TBCK: variants seen among roughly 807,000 people sequenced by gnomAD.
The protein encoded by TBCK is TBC domain-containing protein kinase-like protein.
In TBCK, 99 loss-of-function variants were observed where a neutral mutation model predicts 113.4. That is an observed-to-expected ratio of 0.87 (90% confidence interval 0.74 to 1.03). The LOEUF (loss-of-function observed/expected upper bound fraction) is 1.03. TBCK is among the 50% of genes least tolerant of loss of function. The pLI is 0.00. For missense variants in TBCK, 1,045 were observed against 1,061.3 expected (o/e 0.98, Z 0.21); for synonymous variants, 369 against 370.8 (o/e 1.00, Z 0.05).
intron 19 of TBCK, among the ~76,000 whole-genome samples, chr4:106,214,424 G>A (rs994697251): frequency 2.0e-5 from 3 of 151,896 alleles, no homozygotes; most frequent in Non-Finnish European, 4.4e-5. Context: ...TCTGAGCTAC[G>A]GGAGGACATT....
At position 106,044,298 on chromosome 4, in the gene TBCK, T is replaced by C. The variant is rs1734025392; in HGVS notation, c.*2272A>G. On this transcript the variant is annotated 3_prime_UTR_variant, in exon 26 of 26. Coordinates refer to ENST00000394708, the MANE Select transcript of TBCK (RefSeq NM_001163435.3). ...TGAACTCAGGTAAGTCATCAAAGACTGAAGGAAGAAAATAGTAATTGCCAG... is the reference window on the plus strand; with the variant it reads ...TGAACTCAGGTAAGTCATCAAAGACCGAAGGAAGAAAATAGTAATTGCCAG... 1 of 152,150 alleles carries C rather than the reference T, an allele frequency of 6.6e-6. No individual in the cohort carries two copies. Among genetic ancestry groups the C allele is most frequent in the South Asian group, 2.1e-4 (1 of 4,830 alleles). 9.4% of individuals were successfully genotyped at this position (152,150 alleles called of 1,614,324 possible).
At chr4:106,130,589 T>TACAC (rs70941237) in intron 23 of TBCK, among the ~76,000 whole-genome samples, 37,534 of 142,200 alleles carry the variant, frequency 0.26, 4,943 homozygotes, top group Middle Eastern at 0.31. Flanking sequence ...TTGCGCTAAA[T>TACAC]ACACACACAC....
At chr4:106,073,674 G>A (rs1737797916) in intron 25 of TBCK, among the ~76,000 whole-genome samples, 1 of 152,202 alleles carries the variant, frequency 6.6e-6, no homozygotes, top group African/African-American at 2.4e-5. Context: ...GTTTAAGTCT[G>A]CAGAAGTTTC....
intron 18 of TBCK, 80 bp downstream of exon 18, chr4:106,231,649 A>G (rs1367051941): frequency 2.9e-6 from 4 of 1,385,510 alleles, no homozygotes; most frequent in African/African-American, 2.9e-5. Context: ...CCTTAAAACA[A>G]AAACAAAAAC....
At chr4:106,239,919 C>T (rs965660239) in intron 12 of TBCK, among the ~76,000 whole-genome samples, 1 of 151,610 alleles carries the variant, frequency 6.6e-6, no homozygotes, top group Admixed American at 6.6e-5. Context: ...TAGCATCGTG[C>T]AGTAAAAGAA....
At chr4:106,219,293 C>A (rs189888388) in intron 19 of TBCK, among the ~76,000 whole-genome samples, 1 of 150,714 alleles carries the variant, frequency 6.6e-6, no homozygotes, top group African/African-American at 2.5e-5. Flanking sequence ...GTGGGTGCAG[C>A]ACACCAGCAT....
At chr4:106,090,350 G>A (rs962977320) in intron 25 of TBCK, among the ~76,000 whole-genome samples, 1 of 152,132 alleles carries the variant, frequency 6.6e-6, no homozygotes, top group African/African-American at 2.4e-5. Context: ...TGGGGTCCTG[G>A]GCCTGACCAC....
chr4:106,174,596 T>A (rs1751412470), intron 22 of TBCK, among the ~76,000 whole-genome samples: 1 of 152,140 alleles, frequency 6.6e-6, no homozygotes, highest in African/African-American at 2.4e-5. Flanking sequence ...ATTTGGTGGA[T>A]CCCTGAGTAG....
chr4:106,261,165 A>T (rs1273296443), intron 4 of TBCK, among the ~76,000 whole-genome samples: 1 of 152,124 alleles, frequency 6.6e-6, no homozygotes, highest in Non-Finnish European at 1.5e-5. Context: ...TCTTCTCAAG[A>T]ACATTATTTC....
chr4:106,223,801 A>G (rs2149959165), intron 19 of TBCK, among the ~76,000 whole-genome samples: 1 of 152,258 alleles, frequency 6.6e-6, no homozygotes, highest in African/African-American at 2.4e-5. Context: ...TTTCTCCTCA[A>G]TAGCCTAAGA....
intron 25 of TBCK, among the ~76,000 whole-genome samples, chr4:106,046,969 G>C (rs931511018): frequency 6.6e-6 from 1 of 151,952 alleles, no homozygotes; most frequent in African/African-American, 2.4e-5. Flanking sequence ...AGTAGTAAAG[G>C]GTATACAATG....
chr4:106,279,662 A>G (rs76869000), intron 3 of TBCK, among the ~76,000 whole-genome samples: 20,732 of 152,038 alleles, frequency 0.14, 1,678 homozygotes, highest in South Asian at 0.25. Context: ...GAGTTCCAAT[A>G]AACAGGTGAG....
chr4:106,241,443 C>T (rs1049761773), intron 12 of TBCK, among the ~76,000 whole-genome samples: 3 of 151,792 alleles, frequency 2.0e-5, no homozygotes, highest in Non-Finnish European at 4.4e-5. Context: ...GTTCCTACTC[C>T]ATTTTGAGGA....
In TBCK at chr4:106,236,404, C is replaced by T. The variant is rs747743755; in HGVS notation, c.1336G>A (p.Asp446Asn). 14 of 1,515,020 alleles carry T rather than the reference C, an allele frequency of 9.2e-6. No individual in the cohort carries two copies. Among genetic ancestry groups the T allele is most frequent in the Middle Eastern group, 3.5e-4 (2 of 5,652 alleles). 93.8% of individuals were successfully genotyped at this position (1,515,020 alleles called of 1,614,324 possible). The change falls in exon 14 of 26, where the codon GAC (aspartate) becomes AAC (asparagine). Residue 446 changes from aspartate to asparagine, a missense_variant. Transcript: ENST00000394708. ...EYQLNRIILF[D>N]RLLKAYPYKK... The stretch of plus-strand genomic sequence containing the variant: ...AGAATCCATACCTTTAGCAGCCTGT[C>T]GAAGAGAATAATTCTATTTAGTTGG...
intron 3 of TBCK, among the ~76,000 whole-genome samples, chr4:106,280,163 T>G (rs1764443647): frequency 6.6e-6 from 1 of 152,180 alleles, no homozygotes; most frequent in Non-Finnish European, 1.5e-5. Context: ...GTAGTTTTGA[T>G]TTGCATTTCT....
intron 23 of TBCK, among the ~76,000 whole-genome samples, chr4:106,142,828 C>T (rs1747292738): frequency 6.6e-6 from 1 of 152,136 alleles, no homozygotes; most frequent in Non-Finnish European, 1.5e-5. Context: ...AAAAACATCA[C>T]TACAGGAGCT....
chr4:106,234,368 T>A (rs556419239), intron 15 of TBCK, among the ~76,000 whole-genome samples: 2 of 152,160 alleles, frequency 1.3e-5, no homozygotes, highest in African/African-American at 2.4e-5. Context: ...ATTTGTAGAC[T>A]CTTATCAAGG....
intron 3 of TBCK, among the ~76,000 whole-genome samples, chr4:106,263,250 T>A (rs891245232): frequency 6.6e-6 from 1 of 151,642 alleles, no homozygotes; most frequent in South Asian, 2.1e-4. Flanking sequence ...TTAAAACCAA[T>A]AGTAGAGATA....
At chr4:106,160,782 T>C (rs1749678929) in intron 23 of TBCK, among the ~76,000 whole-genome samples, 1 of 152,130 alleles carries the variant, frequency 6.6e-6, no homozygotes, top group Admixed American at 6.6e-5. Flanking sequence ...CAAAAGGAAC[T>C]GAAACCAGAA....
Sources: allele counts gnomAD v4.1 joint callset (sites outside exome capture counted in the v4.1 genomes callset), GRCh38; gene constraint gnomAD v4.1.1; transcripts MANE v1.5; gene names NCBI Gene and HGNC (gene_info 2026-07-23, HGNC 2026-07-21).